CEP85: variants seen among roughly 807,000 people sequenced by gnomAD.
The protein encoded by CEP85 is centrosomal protein 85, also known as centrosomal protein of 85 kDa.
In CEP85, 58 loss-of-function variants were observed where a neutral mutation model predicts 93.7. The ratio of observed to expected loss-of-function variants is 0.62; its 90% CI spans 0.50 to 0.77. CEP85 has a LOEUF of 0.77. CEP85 is among the 30% of genes least tolerant of loss of function. CEP85 has a pLI of 0.00. For synonymous variants in CEP85, 314 were observed against 338.6 expected, an observed-to-expected ratio of 0.93 and a Z score of 0.80; for missense variants, 868 against 922.0, an observed-to-expected ratio of 0.94 and a Z score of 0.76.
chr1:26,259,921 C>A, intron 7 of CEP85, 119 bp downstream of exon 7: 1 of 740,784 alleles, frequency 1.3e-6, no homozygotes. Flanking sequence ...AGATCCTCCA[C>A]TGGCTTCTCA....
intron 3 of CEP85, among the ~76,000 whole-genome samples, chr1:26,253,331 C>G (rs910468834): frequency 1.3e-5 from 2 of 151,832 alleles, no homozygotes; most frequent in Non-Finnish European, 2.9e-5. Flanking sequence ...TACATTCCCC[C>G]CAACTGTGTA....
chr1:26,258,185 G>C lies in CEP85; in HGVS notation c.1080G>C (p.Glu360Asp). Residue 360 changes from glutamate to aspartate, a missense_variant, in exon 6 of 14, where the codon GAG becomes GAC. By Grantham distance (45) the Glu-to-Asp change is conservative. Transcript: ENST00000451429. ...CTCAGCTGGAGCAGAAAGTGCGAGA[G>C]AGCGAACTGCAAGTCCACAGTGCCC... ...HISQLEQKVR[E>D]SELQVHSALL... 1 of 1,614,132 alleles carries C rather than the reference G, an allele frequency of 6.2e-7. No individual in the cohort carries two copies. The highest frequency in any genetic ancestry group is 8.5e-7 in the Non-Finnish European group (1 of 1,180,028).
In CEP85 at chr1:26,257,596, G is replaced by C. The variant is rs753108583; in HGVS notation, c.904-1G>C. Reference sequence around the variant, plus strand: ...CTCATCTGGGCCTACTTGCCTTTCAGCTTCAGAATGGAGCCATCTGCCACC... The same window carrying C: ...CTCATCTGGGCCTACTTGCCTTTCACCTTCAGAATGGAGCCATCTGCCACC... On this transcript the variant is annotated splice_acceptor_variant, in intron 4 of 13. Transcript: ENST00000451429. LOFTEE classifies it high-confidence loss of function. 1.2e-6 allele frequency: 2 copies of C among 1,614,072 alleles called. No individual in the cohort carries two copies. Among genetic ancestry groups the C allele is most frequent in the Non-Finnish European group, 8.5e-7 (1 of 1,179,990 alleles).
Position 26,268,562 on chromosome 1 carries a change from A to G in CEP85, c.1421A>G (p.Gln474Arg). The change falls in exon 8 of 14, where the codon CAG (glutamine) becomes CGG (arginine). Residue 474 changes from glutamine to arginine, a missense_variant. Physicochemically the swap from Gln to Arg is conservative, Grantham distance 43. Transcript: ENST00000451429. ...KESEQNREKQ[Q>R]RIETLERYLA... is the part of the protein sequence containing the mutation. ...TCAGAGCAGAACCGGGAGAAGCAGC[A>G]GCGTATTGAGACCTTGGAGCGCTAC... 6.2e-7 allele frequency: 1 copy of G among 1,614,162 alleles called. No homozygotes were observed. The highest frequency in any genetic ancestry group is 1.1e-5 in the South Asian group (1 of 91,072).
intron 3 of CEP85, among the ~76,000 whole-genome samples, chr1:26,251,210 T>C (rs554066178): frequency 6.6e-5 from 10 of 150,482 alleles, no homozygotes; most frequent in Non-Finnish European, 1.5e-4. Context: ...CCCAAAGTGC[T>C]AGGATTACAG....
Position 26,277,140 on chromosome 1 carries a change from G to A in CEP85, c.2133G>A (p.Gln711=), listed in dbSNP as rs2090065408. The change falls in exon 14 of 14, where the codon CAG becomes CAA. Residue 711 remains glutamine (Q), a synonymous_variant. Transcript: ENST00000451429. ...NLSLLLGIHS[Q]HPETQLDLQK... The stretch of plus-strand genomic sequence containing the variant: ...AAATGCTCTTCTCCCCAGCAGCACA[G>A]CACCCAGAGACTCAGCTAGATTTGC... The A allele has an allele frequency of 6.2e-7, 1 of 1,613,070 alleles. No individual in the cohort carries two copies. Among genetic ancestry groups the A allele is most frequent in the African/African-American group, 1.3e-5 (1 of 74,914 alleles).
At chr1:26,256,704 T>G (rs2089708642) in intron 4 of CEP85, among the ~76,000 whole-genome samples, 1 of 149,396 alleles carries the variant, frequency 6.7e-6, no homozygotes, top group Non-Finnish European at 1.5e-5. Context: ...GGTCAAGTGA[T>G]TCTCCTGCCT....
chr1:26,244,146 G>T lies in CEP85; in HGVS notation c.56-20G>T. On this transcript the variant is annotated intron_variant, in intron 2 of 13. Transcript: ENST00000451429. Reference sequence around the variant, plus strand: ...CATCAGCTGGTTCACAGTAAAGGTGGGAAATGCCTCTTGTTTCAGGTTCCG... The same window carrying T: ...CATCAGCTGGTTCACAGTAAAGGTGTGAAATGCCTCTTGTTTCAGGTTCCG... 2 of 1,610,088 alleles carry T rather than the reference G, an allele frequency of 1.2e-6. No homozygotes were observed. The highest frequency in any genetic ancestry group is 1.7e-6 in the Non-Finnish European group (2 of 1,177,718).
At chr1:26,258,376 T>A (rs932110119) in intron 6 of CEP85, 116 bp downstream of exon 6, 4 of 717,180 alleles carry the variant, frequency 5.6e-6, no homozygotes, top group African/African-American at 5.3e-5. Context: ...TAAGTGTCCC[T>A]GCCCTCAAAG....
chr1:26,247,989 C>T (rs1213315242), intron 3 of CEP85, among the ~76,000 whole-genome samples: 2 of 152,070 alleles, frequency 1.3e-5, no homozygotes, highest in Non-Finnish European at 2.9e-5. Flanking sequence ...AGTTTGACAA[C>T]TATGTGTATA....
intron 1 of CEP85, among the ~76,000 whole-genome samples, chr1:26,238,589 T>G (rs907896528): frequency 2.6e-5 from 4 of 152,206 alleles, no homozygotes; most frequent in African/African-American, 9.6e-5. Flanking sequence ...GCTACTTTTG[T>G]TGATGTAAAT....
At chr1:26,241,506 A>G (rs2089425741) in intron 2 of CEP85, among the ~76,000 whole-genome samples, 1 of 152,100 alleles carries the variant, frequency 6.6e-6, no homozygotes, top group African/African-American at 2.4e-5. Context: ...GGCCTCGCAA[A>G]GTGCTGGGAT....
intron 2 of CEP85, among the ~76,000 whole-genome samples, chr1:26,242,798 G>T (rs2089448255): frequency 6.6e-6 from 1 of 151,602 alleles, no homozygotes; most frequent in East Asian, 1.9e-4. Context: ...TAGTTTTTTT[G>T]TTTGTTTGTT....
chr1:26,275,026 G>A lies in CEP85; in HGVS notation c.1857G>A (p.Gln619=). Residue 619 remains glutamine, a synonymous_variant, in exon 12 of 14, where the codon CAG becomes CAA. Transcript: ENST00000451429. ...GTSQALREEA[Q]RRDSALQQLR... ...GCCAGGCCCTGAGAGAGGAGGCCCAGCGAAGGGATTCAGCCCTGCAGCAGC... is the reference window on the plus strand; with the variant it reads ...GCCAGGCCCTGAGAGAGGAGGCCCAACGAAGGGATTCAGCCCTGCAGCAGC... 6.3e-7 allele frequency: 1 copy of A among 1,587,256 alleles called. No individual in the cohort carries two copies. The highest frequency in any genetic ancestry group is 8.6e-7 in the Non-Finnish European group (1 of 1,166,794).
Position 26,257,685 on chromosome 1 carries a change from A to AC in CEP85, c.993dup (p.Ser332GlnfsTer2). ...CCAGCACAGTGGATCAGCATCTTGA[A>AC]CAGTAATGAACACCTTCTGAAGGAA... On this transcript the variant is annotated frameshift_variant, in exon 5 of 14. Coordinates refer to ENST00000451429, the MANE Select transcript of CEP85 (RefSeq NM_001319944.2). LOFTEE classifies it high-confidence loss of function. 6.2e-7 allele frequency: 1 copy of AC among 1,614,212 alleles called. No homozygotes were observed. Among genetic ancestry groups the AC allele is most frequent in the Non-Finnish European group, 8.5e-7 (1 of 1,180,028 alleles).
At chr1:26,234,536 C>T (rs1258876966) in intron 1 of CEP85, among the ~76,000 whole-genome samples, 1 of 152,250 alleles carries the variant, frequency 6.6e-6, no homozygotes, top group East Asian at 1.9e-4. Context: ...GTTCACCCCA[C>T]GGCAGTCACT....
At chr1:26,257,222 C>A (rs2089721115) in intron 4 of CEP85, among the ~76,000 whole-genome samples, 1 of 152,136 alleles carries the variant, frequency 6.6e-6, no homozygotes, top group Admixed American at 6.5e-5. Flanking sequence ...CGTGAGCCAC[C>A]GCACCCAGCA....
intron 6 of CEP85, among the ~76,000 whole-genome samples, chr1:26,258,670 C>T (rs1196604374): frequency 6.6e-6 from 1 of 151,918 alleles, no homozygotes; most frequent in African/African-American, 2.4e-5. Context: ...AATCTCGGCT[C>T]ACTGCAACCT....
intron 2 of CEP85, 50 bp from the exon 3 acceptor site, chr1:26,244,116 G>A: frequency 6.4e-7 from 1 of 1,570,742 alleles, no homozygotes; most frequent in Non-Finnish European, 8.7e-7. Context: ...GATCTGATGG[G>A]GTTACATCAG....
Sources: allele counts gnomAD v4.1 joint callset (sites outside exome capture counted in the v4.1 genomes callset), GRCh38; gene constraint gnomAD v4.1.1; transcripts MANE v1.5; gene names NCBI Gene and HGNC (gene_info 2026-07-23, HGNC 2026-07-21).